CTNNA3: variants seen among roughly 807,000 people sequenced by gnomAD.
CTNNA3 encodes catenin alpha 3.
Under a neutral mutation model 95.7 loss-of-function variants are expected in CTNNA3, and 76 were observed. That is an observed-to-expected ratio of 0.79 (90% CI 0.66 to 0.96). The LOEUF is 0.96. CTNNA3 is among the 40% of genes least tolerant of loss of function. The probability of loss-of-function intolerance (pLI) is 0.00; values close to 1 mark genes in which losing one functional copy is unlikely to be tolerated. For synonymous variants in CTNNA3, 431 were observed against 374.4 expected, an observed-to-expected ratio of 1.15 and a Z score of -1.74; for missense variants, 1,191 against 1,089.8, an observed-to-expected ratio of 1.09 and a Z score of -1.31.
chr10:67,591,805 G>A (rs1842795246), intron 3 of CTNNA3, among the ~76,000 whole-genome samples: 1 of 152,014 alleles, frequency 6.6e-6, no homozygotes, highest in Admixed American at 6.6e-5. Context: ...ATAAATGAAA[G>A]ACATCAAACC....
chr10:66,952,043 G>A (rs1048504807), intron 7 of CTNNA3, among the ~76,000 whole-genome samples: 1 of 152,162 alleles, frequency 6.6e-6, no homozygotes, highest in Non-Finnish European at 1.5e-5. Flanking sequence ...GTGACATTCA[G>A]CAGCTAAGCC....
intron 1 of CTNNA3, among the ~76,000 whole-genome samples, chr10:67,726,426 T>TTATACCATATATAATATTA (rs1841220282): frequency 3.4e-5 from 1 of 29,518 alleles, no homozygotes; most frequent in Non-Finnish European, 4.5e-5. Context: ...ATATTATATA[T>TTATACCATATATAATATTA]TATATCATAT....
At chr10:66,318,297 T>C (rs906716744) in intron 12 of CTNNA3, among the ~76,000 whole-genome samples, 14 of 151,762 alleles carry the variant, frequency 9.2e-5, no homozygotes, top group Middle Eastern at 3.4e-3. Context: ...TGTGTGTGTG[T>C]GTGTGTGTGT....
intron 12 of CTNNA3, among the ~76,000 whole-genome samples, chr10:66,327,700 AT>A (rs1258723014): frequency 3.9e-4 from 60 of 151,920 alleles, no homozygotes; most frequent in African/African-American, 1.4e-3. Context: ...GATTATTAAA[AT>A]TTTTTCCATT....
At chr10:66,492,997 T>C (rs1839976105) in intron 11 of CTNNA3, among the ~76,000 whole-genome samples, 1 of 151,384 alleles carries the variant, frequency 6.6e-6, no homozygotes, top group Admixed American at 6.6e-5. Flanking sequence ...CTTTCATGAA[T>C]TGTGTTGAAA....
At chr10:67,637,297 G>A (rs1172074384) in intron 2 of CTNNA3, among the ~76,000 whole-genome samples, 1 of 152,182 alleles carries the variant, frequency 6.6e-6, no homozygotes, top group Non-Finnish European at 1.5e-5. Context: ...AATGAAGCAA[G>A]AAGAGAAGTT....
At chr10:66,985,720 GTTTA>G (rs1030413572) in intron 7 of CTNNA3, among the ~76,000 whole-genome samples, 1 of 151,944 alleles carries the variant, frequency 6.6e-6, no homozygotes, top group Middle Eastern at 3.2e-3. Flanking sequence ...CTTTCTGTTT[GTTTA>G]TTTGTTTGTT....
intron 15 of CTNNA3, among the ~76,000 whole-genome samples, chr10:65,994,184 T>C (rs914126820): frequency 2.6e-5 from 4 of 152,242 alleles, no homozygotes; most frequent in African/African-American, 4.8e-5. Flanking sequence ...TTGGTGTTTT[T>C]CTGTAGTTGT....
intron 13 of CTNNA3, among the ~76,000 whole-genome samples, chr10:66,118,576 T>G (rs1357296752): frequency 1.3e-5 from 2 of 152,222 alleles, no homozygotes; most frequent in Admixed American, 1.3e-4. Context: ...TATTCTTATC[T>G]TTCCACCTAT....
intron 6 of CTNNA3, among the ~76,000 whole-genome samples, chr10:67,204,994 A>G (rs1863825775): frequency 6.6e-6 from 1 of 152,184 alleles, no homozygotes; most frequent in South Asian, 2.1e-4. Context: ...CGGGAGTTGC[A>G]AATCTTGTGA....
At chr10:66,843,982 C>A (rs1200570977) in intron 7 of CTNNA3, among the ~76,000 whole-genome samples, 2 of 152,160 alleles carry the variant, frequency 1.3e-5, no homozygotes, top group African/African-American at 2.4e-5. Context: ...TATTGGAGAA[C>A]AATAATATCT....
At position 66,573,965 on chromosome 10, in the gene CTNNA3, A is replaced by G. The variant is rs544286193; in HGVS notation, c.1374+47727T>C. ...AAAATGTTTAATGTACACCTAAAAC[A>G]CAATTGAAATAAATGCCATTTCAGG... On this transcript the variant is annotated intron_variant, in intron 10 of 17. Coordinates refer to ENST00000433211, the MANE Select transcript of CTNNA3 (RefSeq NM_013266.4). Among the ~76,000 whole-genome samples the G allele has an allele frequency of 2.0e-5, 3 of 152,262 alleles. No homozygotes were observed. The South Asian group carries it at 6.2e-4, about 32-fold the overall frequency.
At chr10:66,426,733 G>T (rs912164620) in intron 11 of CTNNA3, among the ~76,000 whole-genome samples, 2 of 150,600 alleles carry the variant, frequency 1.3e-5, no homozygotes. Flanking sequence ...TGACCTGTTT[G>T]GCCCTCAATG....
At chr10:66,254,228 T>A (rs1182118510) in intron 13 of CTNNA3, among the ~76,000 whole-genome samples, 2 of 152,186 alleles carry the variant, frequency 1.3e-5, no homozygotes, top group Non-Finnish European at 2.9e-5. Flanking sequence ...AAACTCCTTA[T>A]CTGAGGAATT....
intron 5 of CTNNA3, among the ~76,000 whole-genome samples, chr10:67,365,115 G>A (rs1167168669): frequency 6.6e-6 from 1 of 152,130 alleles, no homozygotes; most frequent in East Asian, 1.9e-4. Flanking sequence ...ACAAAAACAA[G>A]AAATGGGGAA....
intron 9 of CTNNA3, among the ~76,000 whole-genome samples, chr10:66,634,407 T>C (rs938910619): frequency 6.6e-6 from 1 of 152,160 alleles, no homozygotes; most frequent in Non-Finnish European, 1.5e-5. Flanking sequence ...TGATTGAGAA[T>C]TCACAGTAGG....
chr10:67,022,548 CA>C (rs931948589), intron 7 of CTNNA3, among the ~76,000 whole-genome samples: 1 of 151,948 alleles, frequency 6.6e-6, no homozygotes, highest in African/African-American at 2.4e-5. Flanking sequence ...ACTATGCCTT[CA>C]AAAAAGTGAA....
intron 11 of CTNNA3, among the ~76,000 whole-genome samples, chr10:66,415,243 AG>A (rs1483006378): frequency 3.3e-5 from 5 of 152,084 alleles, no homozygotes; most frequent in Admixed American, 6.6e-5. Context: ...CATACAGTCC[AG>A]GGGCCAGGGA....
At chr10:65,988,229 G>T (rs930549681) in intron 16 of CTNNA3, among the ~76,000 whole-genome samples, 8 of 151,966 alleles carry the variant, frequency 5.3e-5, no homozygotes, top group Admixed American at 3.9e-4. Context: ...AATAGTATAT[G>T]CTCATTACCT....
Sources: gnomAD v4.1 joint callset for allele counts (sites outside exome capture counted in the v4.1 genomes callset) on GRCh38, gnomAD v4.1.1 for gene constraint, MANE v1.5 for transcripts, NCBI Gene and HGNC (gene_info 2026-07-23, HGNC 2026-07-21) for gene names.